The following MKLN1 variants were observed in gnomAD, a reference collection of about 807,000 sequenced individuals.
The protein encoded by MKLN1 is muskelin.
In MKLN1, 18 loss-of-function variants were observed where a neutral mutation model predicts 99.0. That is an observed-to-expected ratio of 0.18 (90% CI 0.13 to 0.27). The LOEUF is 0.27. Among genes scored for constraint, MKLN1 ranks in the 10% least tolerant of loss-of-function variants. The pLI is 1.00. For synonymous variants in MKLN1, 288 were observed against 293.2 expected (o/e 0.98, Z 0.18); for missense variants, 621 against 875.9 (o/e 0.71, Z 3.67).
chr7:131,325,815 G>A (rs1798873694), upstream of MKLN1, among the ~76,000 whole-genome samples: 1 of 151,774 alleles, frequency 6.6e-6, no homozygotes, highest in African/African-American at 2.4e-5. Flanking sequence ...AGCAAGCTCC[G>A]GAGGCTAGAG....
chr7:131,217,369 G>A (rs1018234859), intron 3 of MKLN1, among the ~76,000 whole-genome samples: 3 of 152,224 alleles, frequency 2.0e-5, no homozygotes, highest in Non-Finnish European at 4.4e-5. Flanking sequence ...TAAAAATCCA[G>A]TTGGGCCGAT....
At chr7:131,366,621 G>A (rs1289835441) in intron 1 of MKLN1, among the ~76,000 whole-genome samples, 1 of 152,060 alleles carries the variant, frequency 6.6e-6, no homozygotes, top group African/African-American at 2.4e-5. Flanking sequence ...GACTAGCCTG[G>A]CCAACATGGT....
chr7:131,402,935 A>G (rs1794591185), intron 6 of MKLN1, among the ~76,000 whole-genome samples: 1 of 152,134 alleles, frequency 6.6e-6, no homozygotes, highest in South Asian at 2.1e-4. Flanking sequence ...GATTTTTCAG[A>G]ATAGTAAATG....
chr7:131,231,028 G>A (rs568342292), intron 3 of MKLN1, among the ~76,000 whole-genome samples: 62 of 137,956 alleles, frequency 4.5e-4, no homozygotes, highest in Non-Finnish European at 7.1e-4. Context: ...GCCGAGGCAC[G>A]AGAATCGTTT....
chr7:131,306,668 G>T (rs1360685768), intron 3 of MKLN1, among the ~76,000 whole-genome samples: 1 of 49,560 alleles, frequency 2.0e-5, no homozygotes, highest in Non-Finnish European at 6.5e-5. Context: ...GATGTGATCT[G>T]ACTGTTTATG....
chr7:131,478,258 T>G (rs1191570142), intron 16 of MKLN1, among the ~76,000 whole-genome samples: 1 of 152,238 alleles, frequency 6.6e-6, no homozygotes, highest in African/African-American at 2.4e-5. Context: ...ATGCTAAAAA[T>G]TCAGTAACGG....
intron 2 of MKLN1, among the ~76,000 whole-genome samples, chr7:131,184,239 C>T (rs1156853387): frequency 2.0e-5 from 3 of 152,184 alleles, no homozygotes; most frequent in African/African-American, 7.2e-5. Flanking sequence ...ATCCTCCCAA[C>T]TCCGCCTCCC....
chr7:131,361,049 A>G (rs562161912), intron 1 of MKLN1, among the ~76,000 whole-genome samples: 8 of 152,010 alleles, frequency 5.3e-5, no homozygotes, highest in African/African-American at 1.9e-4. Context: ...ATAAATGAGG[A>G]GTTTTTTTTC....
At chr7:131,171,464 CTTTTTTTTTT>C (rs1249326987) in intron 2 of MKLN1, among the ~76,000 whole-genome samples, 1 of 148,768 alleles carries the variant, frequency 6.7e-6, no homozygotes, top group Non-Finnish European at 1.5e-5. Context: ...ATTTTTCTTT[CTTTTTTTTTT>C]GGGATCGTGT....
chr7:131,201,820 G>T (rs1796732433), intron 2 of MKLN1, among the ~76,000 whole-genome samples: 1 of 152,154 alleles, frequency 6.6e-6, no homozygotes, highest in Admixed American at 6.5e-5. Context: ...TTCAGTTCCT[G>T]TTCACTGAGC....
At chr7:131,164,251 A>G (rs1234055225) in intron 2 of MKLN1, among the ~76,000 whole-genome samples, 1 of 152,150 alleles carries the variant, frequency 6.6e-6, no homozygotes, top group Non-Finnish European at 1.5e-5. Context: ...AGCTGGGACT[A>G]CAGGCACACA....
intron 3 of MKLN1, among the ~76,000 whole-genome samples, chr7:131,213,888 C>T (rs1796942043): frequency 6.6e-6 from 1 of 152,130 alleles, no homozygotes; most frequent in African/African-American, 2.4e-5. Context: ...AATATCTCCT[C>T]TCAGTCTGAG....
At chr7:131,125,743 G>A (rs1015899656) in intron 1 of MKLN1, among the ~76,000 whole-genome samples, 1 of 152,054 alleles carries the variant, frequency 6.6e-6, no homozygotes, top group Non-Finnish European at 1.5e-5. Flanking sequence ...GGTGGCTCAC[G>A]CCTGTAATCC....
At chr7:131,382,001 A>G (rs901771420) in intron 2 of MKLN1, among the ~76,000 whole-genome samples, 4 of 152,232 alleles carry the variant, frequency 2.6e-5, no homozygotes, top group Non-Finnish European at 5.9e-5. Context: ...CAGTTTGTTT[A>G]TCCATATACC....
intron 17 of MKLN1, among the ~76,000 whole-genome samples, chr7:131,483,339 A>C (rs1158912190): frequency 6.6e-6 from 1 of 152,212 alleles, no homozygotes; most frequent in African/African-American, 2.4e-5. Context: ...AAGTATAATC[A>C]CTTATACGTA....
chr7:131,159,606 G>A (rs189639122), intron 2 of MKLN1, among the ~76,000 whole-genome samples: 2 of 151,972 alleles, frequency 1.3e-5, no homozygotes, highest in Admixed American at 1.3e-4. Context: ...TTGGCTAATG[G>A]GTACAAACAT....
intron 4 of MKLN1, among the ~76,000 whole-genome samples, chr7:131,394,787 C>T (rs906219093): frequency 2.6e-5 from 4 of 152,000 alleles, no homozygotes; most frequent in South Asian, 2.1e-4. Context: ...ATGTTAGTTT[C>T]TTAAAGATAG....
At chr7:131,332,986 C>T (rs1405664914) in intron 1 of MKLN1, among the ~76,000 whole-genome samples, 1 of 151,902 alleles carries the variant, frequency 6.6e-6, no homozygotes, top group Non-Finnish European at 1.5e-5. Context: ...TTTAGTGGCA[C>T]CATCTTGGCT....
At chr7:131,380,710 T>G (rs574092490) in intron 2 of MKLN1, among the ~76,000 whole-genome samples, 1 of 152,332 alleles carries the variant, frequency 6.6e-6, no homozygotes, top group African/African-American at 2.4e-5. Context: ...TAAATTAGTT[T>G]TATTTAGTTT....
Sources: allele counts gnomAD v4.1 joint callset (sites outside exome capture counted in the v4.1 genomes callset), GRCh38; gene constraint gnomAD v4.1.1; transcripts MANE v1.5; gene names NCBI Gene and HGNC (gene_info 2026-07-23, HGNC 2026-07-21).